The following SUMF1 variants were observed in gnomAD, a reference collection of about 807,000 sequenced individuals.
The protein encoded by SUMF1 is sulfatase modifying factor 1.
A neutral mutation model predicts 47.6 loss-of-function variants in SUMF1; 48 were observed. That is an observed-to-expected ratio of 1.01 (90% CI 0.80 to 1.28). The LOEUF is 1.28. Among genes scored for constraint, SUMF1 ranks in the 50% most tolerant of loss-of-function variants. The pLI, the probability that SUMF1 is intolerant of heterozygous loss-of-function variation, is 0.00. For missense variants in SUMF1, 571 were observed against 485.4 expected, an observed-to-expected ratio of 1.18 and a Z score of -1.66; for synonymous variants, 230 against 192.1, an observed-to-expected ratio of 1.20 and a Z score of -1.63.
intron 8 of SUMF1, among the ~76,000 whole-genome samples, chr3:4,337,456 T>C (rs1699178359): frequency 6.6e-6 from 1 of 152,174 alleles, no homozygotes; most frequent in South Asian, 2.1e-4. Context: ...TGCCAACTTT[T>C]GTTAGTCCTC....
At chr3:4,381,730 A>G (rs1700510512) in intron 7 of SUMF1, among the ~76,000 whole-genome samples, 1 of 152,238 alleles carries the variant, frequency 6.6e-6, no homozygotes, top group Non-Finnish European at 1.5e-5. Context: ...TAATGCAGAA[A>G]GAGTAATAGA....
intron 8 of SUMF1, among the ~76,000 whole-genome samples, chr3:4,272,202 A>C (rs1697318627): frequency 6.6e-6 from 1 of 152,188 alleles, no homozygotes; most frequent in Admixed American, 6.5e-5. Flanking sequence ...TGTTGTTTTC[A>C]AGGTTGGTTT....
chr3:4,041,486 A>G (rs1694906906), intron 9 of SUMF1, among the ~76,000 whole-genome samples: 1 of 152,186 alleles, frequency 6.6e-6, no homozygotes, highest in African/African-American at 2.4e-5. Flanking sequence ...CAGCACTGCA[A>G]TCCTGCTCAG....
intron 8 of SUMF1, among the ~76,000 whole-genome samples, chr3:4,311,929 A>G (rs1225366533): frequency 3.3e-5 from 5 of 152,238 alleles, no homozygotes; most frequent in Non-Finnish European, 7.3e-5. Flanking sequence ...ATGCTTCACG[A>G]TGCTAATGAG....
chr3:4,358,185 T>A (rs1010347343), downstream of SUMF1, among the ~76,000 whole-genome samples: 2 of 150,932 alleles, frequency 1.3e-5, no homozygotes, highest in Non-Finnish European at 3.0e-5. Flanking sequence ...TTTACAGCTT[T>A]AAAAAAAAAG....
intron 8 of SUMF1, among the ~76,000 whole-genome samples, chr3:4,106,452 G>T (rs140110100): frequency 6.6e-6 from 1 of 152,156 alleles, no homozygotes; most frequent in Non-Finnish European, 1.5e-5. Context: ...ATTCACTAAT[G>T]CCTCATTGTA....
chr3:4,292,270 A>C (rs1287048936), intron 8 of SUMF1, among the ~76,000 whole-genome samples: 1 of 152,258 alleles, frequency 6.6e-6, no homozygotes, highest in Non-Finnish European at 1.5e-5. Context: ...TTAAAAATAC[A>C]CATAGGCTAA....
At chr3:4,066,458 G>A (rs1695377611) in intron 9 of SUMF1, among the ~76,000 whole-genome samples, 1 of 152,010 alleles carries the variant, frequency 6.6e-6, no homozygotes, top group Non-Finnish European at 1.5e-5. Context: ...GGCCCTCCTG[G>A]TATTAAAGCT....
At chr3:4,130,358 C>T (rs749194280) in intron 8 of SUMF1, among the ~76,000 whole-genome samples, 5 of 152,168 alleles carry the variant, frequency 3.3e-5, no homozygotes, top group East Asian at 1.9e-4. Context: ...AATTTGCCTT[C>T]GGCTAGCAAG....
chr3:4,446,304 C>A (rs573153739), intron 3 of SUMF1, among the ~76,000 whole-genome samples: 8 of 152,154 alleles, frequency 5.3e-5, no homozygotes, highest in African/African-American at 1.9e-4. Context: ...ATAAGTCTCA[C>A]GAGATCTGAT....
chr3:4,313,778 A>G (rs1388695662), intron 8 of SUMF1: 1 of 1,613,806 alleles, frequency 6.2e-7, no homozygotes, highest in East Asian at 2.2e-5. Flanking sequence ...CTGTTCAGTG[A>G]TAAGCAGCTT....
chr3:4,209,008 T>A (rs555974754), intron 8 of SUMF1, among the ~76,000 whole-genome samples: 1 of 152,046 alleles, frequency 6.6e-6, no homozygotes, highest in Non-Finnish European at 1.5e-5. Flanking sequence ...TAAAATGAGT[T>A]GGGTAGAAGT....
intron 8 of SUMF1, among the ~76,000 whole-genome samples, chr3:4,140,285 T>G (rs1694042486): frequency 6.6e-6 from 1 of 152,112 alleles, no homozygotes. Context: ...ATCTTATTTA[T>G]ACATCAGATG....
At chr3:4,338,774 G>A (rs1488691087) in intron 8 of SUMF1, among the ~76,000 whole-genome samples, 1 of 151,944 alleles carries the variant, frequency 6.6e-6, no homozygotes, top group Non-Finnish European at 1.5e-5. Flanking sequence ...TCTCTCACAG[G>A]TATACCTAGT....
Position 4,190,189 on chromosome 3 carries a change from GTT to G in SUMF1, c.1015-121446_1015-121445del, listed in dbSNP as rs200279859. Among the ~76,000 whole-genome samples the G allele has an allele frequency of 1.3e-4, 18 of 141,968 alleles. No homozygotes were observed. In the South Asian group the frequency reaches 2.3e-3, roughly 18 times the overall value. 93.1% of individuals were successfully genotyped at this position (141,968 alleles called of 152,430 possible). A position where few individuals can be genotyped will look rare whatever the true frequency, so the allele number is the denominator to read the frequency against. ...AATGAACTAAGAAGACTTATGGAGA[GTT>G]TTTTTTTTTTTTAATGAACTGAACA... On this transcript the variant is annotated intron_variant and NMD_transcript_variant, in intron 8 of 12. Transcript: ENST00000448413.
rs546387140 is a variant in SUMF1 at position 4,395,199 on chromosome 3, C to A, written c.954+15666G>T. 1.1e-4 allele frequency among the ~76,000 whole-genome samples: 17 copies of A among 152,308 alleles called. 1 individual carries two copies. The East Asian group carries it at 3.1e-3, about 28-fold the overall frequency. The stretch of plus-strand genomic sequence containing the variant: ...GAGAGAACCAGGAGTCAAAGTCCAT[C>A]ACACTGTGGCACCTGCAGGCTTATC... On this transcript the variant is annotated intron_variant, in intron 7 of 8. Coordinates refer to ENST00000272902, the MANE Select transcript of SUMF1 (RefSeq NM_182760.4).
At chr3:4,314,497 G>C (rs1486872120) in intron 8 of SUMF1, 1 of 152,130 alleles carries the variant, frequency 6.6e-6, no homozygotes, top group Non-Finnish European at 1.5e-5. Flanking sequence ...ACTACCAGTA[G>C]TGAAAAATAT....
intron 8 of SUMF1, among the ~76,000 whole-genome samples, chr3:4,274,156 T>C (rs1001148579): frequency 3.3e-5 from 5 of 152,164 alleles, no homozygotes; most frequent in African/African-American, 9.7e-5. Context: ...TTTCAATGTA[T>C]GTCTAAAATC....
At chr3:4,159,517 G>C (rs1694528955) in intron 8 of SUMF1, among the ~76,000 whole-genome samples, 1 of 151,638 alleles carries the variant, frequency 6.6e-6, no homozygotes, top group South Asian at 2.1e-4. Flanking sequence ...GTCTCAAAAA[G>C]TTGTAGTTTT....
Sources: allele counts gnomAD v4.1 joint callset (sites outside exome capture counted in the v4.1 genomes callset), GRCh38; gene constraint gnomAD v4.1.1; transcripts MANE v1.5; gene names NCBI Gene and HGNC (gene_info 2026-07-23, HGNC 2026-07-21).